The following GNA12 variants were observed in gnomAD, a reference collection of about 807,000 sequenced individuals.
GNA12 encodes guanine nucleotide-binding protein subunit alpha-12.
A neutral mutation model predicts 26.0 loss-of-function variants in GNA12; 9 were observed. That is an observed-to-expected ratio of 0.35 (90% CI 0.21 to 0.60). The LOEUF is 0.60. Ranked by LOEUF, GNA12 falls within the 20% of genes least tolerant of loss-of-function variation. The pLI is 0.78. For missense variants in GNA12, 405 were observed against 525.8 expected (o/e 0.77, Z 2.25); for synonymous variants, 264 against 219.6 (o/e 1.20, Z -1.79).
intron 2 of GNA12, among the ~76,000 whole-genome samples, chr7:2,748,656 A>T (rs1346701911): frequency 6.6e-6 from 1 of 152,362 alleles, no homozygotes; most frequent in East Asian, 1.9e-4. Context: ...CAAAATTGAC[A>T]AATGGGATCT....
At chr7:2,842,640 G>A (rs1779029509) in intron 1 of GNA12, among the ~76,000 whole-genome samples, 1 of 152,178 alleles carries the variant, frequency 6.6e-6, no homozygotes, top group South Asian at 2.1e-4. Context: ...AGAGAAAAAA[G>A]GAAGCAAGAG....
chr7:2,790,930 C>T (rs1391876049), intron 2 of GNA12, among the ~76,000 whole-genome samples: 1 of 149,430 alleles, frequency 6.7e-6, no homozygotes, highest in East Asian at 2.0e-4. Context: ...GCTATGACCA[C>T]ACTAGTGTAC....
rs537539879 is a variant in GNA12, at chr7:2,841,733, G to C, written c.309+2120C>G. 1.4e-3 allele frequency among the ~76,000 whole-genome samples: 208 copies of C among 152,350 alleles called. 1 individual carries two copies. Among genetic ancestry groups the C allele is most frequent in the African/African-American group, 4.8e-3 (199 of 41,592 alleles). ...GTCTGGAGGCCAGGATTCCAGCACAGAGACCCCAGGAAGGAGTCACTTCAT... is the reference window on the plus strand; with the variant it reads ...GTCTGGAGGCCAGGATTCCAGCACACAGACCCCAGGAAGGAGTCACTTCAT... On this transcript the variant is annotated intron_variant, in intron 1 of 3. Coordinates refer to ENST00000275364, the MANE Select transcript of GNA12 (RefSeq NM_007353.3).
chr7:2,814,281 T>G (rs1315196594), intron 1 of GNA12: 1 of 1,118,264 alleles, frequency 8.9e-7, no homozygotes, highest in South Asian at 1.2e-5. Flanking sequence ...GGGAGATCTG[T>G]GGCCGAGGAG....
At chr7:2,746,350 G>C (rs1446572840) in intron 2 of GNA12, among the ~76,000 whole-genome samples, 1 of 152,122 alleles carries the variant, frequency 6.6e-6, no homozygotes, top group Non-Finnish European at 1.5e-5. Flanking sequence ...AATCAAACTA[G>C]AACTCAGGAT....
intron 1 of GNA12, among the ~76,000 whole-genome samples, chr7:2,816,685 A>G (rs970578583): frequency 6.6e-6 from 1 of 152,216 alleles, no homozygotes; most frequent in Non-Finnish European, 1.5e-5. Flanking sequence ...CTCGGTGGGA[A>G]GGGCAGTAGC....
At chr7:2,779,106 A>G (rs539769462) in intron 2 of GNA12, among the ~76,000 whole-genome samples, 12 of 152,284 alleles carry the variant, frequency 7.9e-5, no homozygotes, top group African/African-American at 2.2e-4. Context: ...TGCCTGTAAT[A>G]CTAGCATTCT....
intron 2 of GNA12, among the ~76,000 whole-genome samples, chr7:2,743,188 G>A (rs1298176910): frequency 6.6e-6 from 1 of 152,166 alleles, no homozygotes; most frequent in Non-Finnish European, 1.5e-5. Context: ...CCGTATATAT[G>A]GGGGCAAACT....
At chr7:2,736,710 T>G (rs1562394217) in intron 2 of GNA12, among the ~76,000 whole-genome samples, 1 of 152,188 alleles carries the variant, frequency 6.6e-6, no homozygotes, top group Non-Finnish European at 1.5e-5. Context: ...GAAGCACCTG[T>G]CACCCACACC....
intron 2 of GNA12, among the ~76,000 whole-genome samples, chr7:2,785,626 TGTG>T (rs1397949012): frequency 3.9e-5 from 6 of 152,200 alleles, no homozygotes; most frequent in African/African-American, 1.4e-4. Flanking sequence ...GCGGTCTTCA[TGTG>T]TAAGTGTATT....
At chr7:2,747,407 C>T (rs1448921943) in intron 2 of GNA12, among the ~76,000 whole-genome samples, 2 of 152,166 alleles carry the variant, frequency 1.3e-5, no homozygotes, top group East Asian at 1.9e-4. Flanking sequence ...ATAAACAGAA[C>T]CAAAGACAAA....
chr7:2,744,416 A>G (rs935341643), intron 2 of GNA12, among the ~76,000 whole-genome samples: 4 of 152,184 alleles, frequency 2.6e-5, no homozygotes, highest in African/African-American at 9.7e-5. Context: ...CAGGGTCTGG[A>G]GTGGACCTCT....
chr7:2,839,547 C>A (rs967076238), intron 1 of GNA12, among the ~76,000 whole-genome samples: 21 of 152,120 alleles, frequency 1.4e-4, no homozygotes, highest in Non-Finnish European at 2.5e-4. Flanking sequence ...CTGCACCCAG[C>A]CAATTTTTGT....
At chr7:2,794,642 A>C in intron 2 of GNA12, 1 of 407,612 alleles carries the variant, frequency 2.5e-6, no homozygotes, top group Non-Finnish European at 4.4e-6. Context: ...TCTAAAAAAA[A>C]CTAAATTTCT....
chr7:2,808,727 G>C (rs986130178), intron 1 of GNA12, among the ~76,000 whole-genome samples: 2 of 152,150 alleles, frequency 1.3e-5, no homozygotes, highest in African/African-American at 4.8e-5. Flanking sequence ...CTGGATTATG[G>C]CAAGTCTTCT....
chr7:2,843,942 G>C lies in GNA12; in HGVS notation c.220C>G (p.Leu74Val). The C allele has an allele frequency of 6.3e-7, 1 of 1,593,214 alleles. No homozygotes were observed. The highest frequency in any genetic ancestry group is 8.5e-7 in the Non-Finnish European group (1 of 1,171,736). Residue 74 changes from leucine (L) to valine (V), a missense_variant, in exon 1 of 4, where the codon CTC becomes GTC. Leu to Val is a conservative substitution (Grantham distance 32). Coordinates refer to ENST00000275364, the MANE Select transcript of GNA12 (RefSeq NM_007353.3). ...CCGTGGATGATGCGCATCTGCTTGA[G>C]GAACGTGGACTTGCCGCTCTCGCCC... ...GAGESGKSTF[L>V]KQMRIIHGRE...
Position 2,800,814 on chromosome 7 carries a change from C to T in GNA12, c.310-5671G>A, listed in dbSNP as rs549163669. On this transcript the variant is annotated intron_variant, in intron 1 of 3. Coordinates refer to ENST00000275364, the MANE Select transcript of GNA12 (RefSeq NM_007353.3). ...GAAAATGTGACTTGAATAAACTCTCCACTTTCCTTCCTCCCGGCTCCCCCA... is the reference window on the plus strand; with the variant it reads ...GAAAATGTGACTTGAATAAACTCTCTACTTTCCTTCCTCCCGGCTCCCCCA... Among the ~76,000 whole-genome samples the T allele has an allele frequency of 5.9e-4, 90 of 152,268 alleles. 1 individual carries two copies. The highest frequency in any genetic ancestry group is 2.0e-3 in the African/African-American group (83 of 41,558).
intron 2 of GNA12, among the ~76,000 whole-genome samples, chr7:2,763,523 C>A (rs1791674564): frequency 6.6e-6 from 1 of 152,228 alleles, no homozygotes; most frequent in African/African-American, 2.4e-5. Flanking sequence ...AAGCTCCAGT[C>A]CATGTCCCAA....
At position 2,824,340 on chromosome 7, in the gene GNA12, C is replaced by T. The variant is rs184224901; in HGVS notation, c.309+19513G>A. Among the ~76,000 whole-genome samples the T allele has an allele frequency of 7.9e-5, 12 of 152,324 alleles. No individual in the cohort carries two copies. The East Asian group carries it at 2.1e-3, about 27-fold the overall frequency. ...GCGTCTTCCCAGTGGCCTGCACCCG[C>T]CTCTGCCCATCCAGGGGTCTCCTCC... On this transcript the variant is annotated intron_variant, in intron 1 of 3. Transcript: ENST00000275364.
Sources: allele counts gnomAD v4.1 joint callset (sites outside exome capture counted in the v4.1 genomes callset), GRCh38; gene constraint gnomAD v4.1.1; transcripts MANE v1.5; gene names NCBI Gene and HGNC (gene_info 2026-07-23, HGNC 2026-07-21).